Variants in HS6ST2 observed in about 807,000 individuals in gnomAD.
The protein encoded by HS6ST2 is heparan sulfate 6-O-sulfotransferase 2.
Under a neutral mutation model 33.0 loss-of-function variants are expected in HS6ST2, and 17 were observed. The ratio of observed to expected loss-of-function variants is 0.52; its 90% CI spans 0.35 to 0.77. The LOEUF (loss-of-function observed/expected upper bound fraction) is 0.77. Ranked by LOEUF, HS6ST2 falls within the 30% of genes least tolerant of loss-of-function variation. The pLI is 0.01. For synonymous variants in HS6ST2, 248 were observed against 237.1 expected (o/e 1.05, Z -0.42); for missense variants, 519 against 551.7 (o/e 0.94, Z 0.59).
intron 4 of HS6ST2, among the ~76,000 whole-genome samples, chrX:132,638,034 A>G (rs1292650175): frequency 1.1e-5 from 1 of 93,899 alleles, no homozygotes; most frequent in African/African-American, 3.9e-5. Context: ...AGTGGTAGAA[A>G]AAGAACTGTG....
intron 4 of HS6ST2, among the ~76,000 whole-genome samples, chrX:132,667,425 G>C (rs1183708830): frequency 3.6e-5 from 4 of 112,149 alleles, no homozygotes; most frequent in African/African-American, 1.3e-4. Flanking sequence ...AGTATGGCAA[G>C]TGAGATATAG....
At chrX:132,850,629 G>A (rs145791607) in intron 2 of HS6ST2, among the ~76,000 whole-genome samples, 2,945 of 110,961 alleles carry the variant, frequency 0.027, 116 homozygotes, top group Admixed American at 0.17. Context: ...AGATAGAGGC[G>A]TTAAAGCACA....
In HS6ST2 at chrX:132,712,038, G is replaced by C. The variant is rs149728911; in HGVS notation, c.948-3544C>G. ...TTGTTAAGAAACCCACACCAACACT[G>C]TTTGGGTCAGATTGCAAATCTGCAG... On this transcript the variant is annotated intron_variant, in intron 2 of 4. Coordinates refer to ENST00000370833, the MANE Select transcript of HS6ST2 (RefSeq NM_001394073.1). Among the ~76,000 whole-genome samples, 998 of 111,483 alleles carry C rather than the reference G, an allele frequency of 9.0e-3. 4 individuals are homozygous for C. Among genetic ancestry groups the C allele is most frequent in the Middle Eastern group, 0.033 (7 of 215 alleles).
intron 3 of HS6ST2, among the ~76,000 whole-genome samples, chrX:132,694,387 G>C (rs1427848649): frequency 1.8e-5 from 2 of 111,686 alleles, no homozygotes; most frequent in Non-Finnish European, 3.8e-5. Flanking sequence ...GAGCATTCCA[G>C]GTAGAAAGAG....
chrX:132,776,848 T>C (rs894288372), intron 2 of HS6ST2, among the ~76,000 whole-genome samples: 2 of 110,689 alleles, frequency 1.8e-5, no homozygotes, highest in African/African-American at 3.3e-5. Context: ...TTGCCACTTA[T>C]CAAAATCCCA....
intron 2 of HS6ST2, among the ~76,000 whole-genome samples, chrX:132,714,252 T>C (rs2064255064): frequency 2.7e-5 from 3 of 111,205 alleles, no homozygotes; most frequent in Admixed American, 9.5e-5. Context: ...TGAAGATGGC[T>C]CCCCGTTTCC....
chrX:132,860,149 G>A (rs1372938869), intron 2 of HS6ST2, among the ~76,000 whole-genome samples: 1 of 111,864 alleles, frequency 8.9e-6, no homozygotes, highest in African/African-American at 3.2e-5. Context: ...TTTCCCCTAC[G>A]GGAAATCCAC....
intron 2 of HS6ST2, among the ~76,000 whole-genome samples, chrX:132,866,679 T>C (rs1301472700): frequency 4.3e-5 from 3 of 69,169 alleles, no homozygotes; most frequent in Non-Finnish European, 8.0e-5. Context: ...TAGTTCTCCT[T>C]GAAGAGGTCC....
intron 2 of HS6ST2, among the ~76,000 whole-genome samples, chrX:132,726,165 A>G (rs1417176014): frequency 2.8e-5 from 3 of 107,702 alleles, no homozygotes; most frequent in African/African-American, 1.0e-4. Flanking sequence ...CTAGGTGTGT[A>G]ATCAGGCTGT....
chrX:132,777,377 T>C (rs1480128890), intron 2 of HS6ST2, among the ~76,000 whole-genome samples: 1 of 108,728 alleles, frequency 9.2e-6, no homozygotes, highest in African/African-American at 3.4e-5. Context: ...GTTAAAATGA[T>C]GCATTTGGCT....
chrX:132,745,405 A>G (rs1177876616), intron 2 of HS6ST2, among the ~76,000 whole-genome samples: 1 of 111,400 alleles, frequency 9.0e-6, no homozygotes, highest in Non-Finnish European at 1.9e-5. Flanking sequence ...TTTTTTTAAG[A>G]CCTGAAATTC....
At chrX:132,705,186 CGCGTGTGTGTGTGT>C (rs2064179544) in intron 3 of HS6ST2, among the ~76,000 whole-genome samples, 2 of 81,362 alleles carry the variant, frequency 2.5e-5, no homozygotes, top group South Asian at 1.3e-3. Context: ...GATGTGGGCA[CGCGTGTGTGTGTGT>C]GTGTGTGTGT....
rs989230097 is a variant in HS6ST2, at chrX:132,897,940, G to A, written c.947+58868C>T. Reference sequence around the variant, plus strand: ...TCAGAAGTCCCCATCCCTGGGCCACGAATGGGTACTGGTCCATGGCTTGTT... The same window carrying A: ...TCAGAAGTCCCCATCCCTGGGCCACAAATGGGTACTGGTCCATGGCTTGTT... On this transcript the variant is annotated intron_variant, in intron 2 of 4. Transcript: ENST00000370833. Among the ~76,000 whole-genome samples the A allele has an allele frequency of 1.1e-4, 12 of 111,566 alleles. No individual in the cohort carries two copies. The East Asian group carries it at 3.4e-3, about 31-fold the overall frequency.
intron 2 of HS6ST2, among the ~76,000 whole-genome samples, chrX:132,880,898 T>C (rs764187514): frequency 1.8e-5 from 2 of 109,026 alleles, no homozygotes; most frequent in South Asian, 8.4e-4. Flanking sequence ...GTCCTTGCGA[T>C]AGTTTGCTGA....
intron 2 of HS6ST2, among the ~76,000 whole-genome samples, chrX:132,866,039 C>T (rs1293664159): frequency 1.8e-5 from 2 of 111,288 alleles, no homozygotes; most frequent in African/African-American, 6.5e-5. Context: ...GTGTTTTAGA[C>T]ATGAAGTCCT....
chrX:132,866,149 T>C (rs1346245037), intron 2 of HS6ST2, among the ~76,000 whole-genome samples: 1 of 111,098 alleles, frequency 9.0e-6, no homozygotes, highest in Non-Finnish European at 1.9e-5. Flanking sequence ...CTTGAATTGA[T>C]TTTTGTATAA....
At chrX:132,729,727 T>C (rs1036963747) in intron 2 of HS6ST2, among the ~76,000 whole-genome samples, 1 of 112,035 alleles carries the variant, frequency 8.9e-6, no homozygotes, top group African/African-American at 3.2e-5. Context: ...ATAGGTACTA[T>C]TGTTCTTTTA....
At chrX:132,721,188 C>T (rs1262742908) in intron 2 of HS6ST2, among the ~76,000 whole-genome samples, 2 of 112,100 alleles carry the variant, frequency 1.8e-5, no homozygotes, top group Non-Finnish European at 3.8e-5. Context: ...GTCAGAAAAC[C>T]AGCCATAAAA....
At position 132,805,914 on chromosome X, in the gene HS6ST2, T is replaced by C. The variant is rs1411522793; in HGVS notation, c.948-97420A>G. 1.3e-4 allele frequency among the ~76,000 whole-genome samples: 14 copies of C among 110,665 alleles called. 1 individual carries two copies. In the Admixed American group the frequency reaches 1.3e-3, roughly 11 times the overall value. On this transcript the variant is annotated intron_variant, in intron 2 of 4. Transcript: ENST00000370833. ...CAATGTTTTGCCTTCAAACAGGATA[T>C]TGTATCTACATCGGCAAGGAGATAT...
Sources: allele counts gnomAD v4.1 joint callset (sites outside exome capture counted in the v4.1 genomes callset), GRCh38; gene constraint gnomAD v4.1.1; transcripts MANE v1.5; gene names NCBI Gene and HGNC (gene_info 2026-07-23, HGNC 2026-07-21).